Variants in PLD1 observed in about 807,000 individuals in gnomAD.
The protein encoded by PLD1 is choline phosphatase 1.
A neutral mutation model predicts 137.1 loss-of-function variants in PLD1; 112 were observed. The observed-to-expected ratio is 0.82, with a 90% CI of 0.70 to 0.96. The LOEUF (loss-of-function observed/expected upper bound fraction) is 0.96. PLD1 is among the 40% of genes least tolerant of loss of function. PLD1 has a pLI of 0.00. For missense variants in PLD1, 1,321 were observed against 1,342.0 expected (o/e 0.98, Z 0.24); for synonymous variants, 431 against 454.7 (o/e 0.95, Z 0.66).
rs769325260 is a variant in PLD1 at position 171,687,376 on chromosome 3, G to A, written c.1748C>T (p.Thr583Ile). The A allele has an allele frequency of 5.6e-6, 9 of 1,613,506 alleles. No individual in the cohort carries two copies. The Admixed American group carries it at 8.3e-5, about 15-fold the overall frequency. ...DADSISSIDS[T>I]SSYFNHYRSH... ...TAGTCAAGGCCATGACTTACTGGAG[G>A]TGCTGTCAATGCTGCTGATGCTATC... is the stretch of plus-strand genomic sequence containing the variant. The change falls in exon 15 of 27, where the codon ACC becomes ATC. Residue 583 changes from threonine to isoleucine, a missense_variant. Thr to Ile is a moderately conservative substitution (Grantham distance 89, BLOSUM62 -1). Transcript: ENST00000351298.
intron 1 of PLD1, among the ~76,000 whole-genome samples, chr3:171,741,528 T>C (rs1290741384): frequency 1.3e-5 from 2 of 152,256 alleles, no homozygotes; most frequent in African/African-American, 4.8e-5. Context: ...CTTCAGTGTT[T>C]ACACTTGAGA....
chr3:171,632,112 G>A (rs555593676), intron 23 of PLD1, among the ~76,000 whole-genome samples: 58 of 152,184 alleles, frequency 3.8e-4, no homozygotes, highest in African/African-American at 1.1e-3. Context: ...CTATGTTACC[G>A]TAAGAACACA....
rs9827333 is a variant in PLD1 at position 171,603,233 on chromosome 3, C to G, written c.3070G>C (p.Val1024Leu). Residue 1024 changes from valine to leucine, a missense_variant, in exon 27 of 27, where the codon GTA (valine) becomes CTA (leucine). By Grantham distance (32) the Val-to-Leu change is conservative. Transcript: ENST00000351298. ...CGAATGGGATCTTCCTTAGCTAATA[C>G]GGGCTTGTTTATAAAGTCTCTCAGC... ...IQLRDFINKP[V>L]LAKEDPIRAE... is the part of the protein sequence containing the mutation. The G allele has an allele frequency of 6.2e-7, 1 of 1,613,874 alleles. No homozygotes were observed. The highest frequency in any genetic ancestry group is 1.3e-5 in the African/African-American group (1 of 74,926).
At chr3:171,644,186 A>G (rs1476584767) in intron 22 of PLD1, among the ~76,000 whole-genome samples, 1 of 152,154 alleles carries the variant, frequency 6.6e-6, no homozygotes, top group Non-Finnish European at 1.5e-5. Flanking sequence ...TCAGAAAAAT[A>G]AGAGATTTTG....
intron 11 of PLD1, among the ~76,000 whole-genome samples, chr3:171,702,351 G>A (rs932651369): frequency 6.6e-6 from 1 of 151,870 alleles, no homozygotes; most frequent in African/African-American, 2.4e-5. Context: ...AGCCAGACAT[G>A]GTGGCTCATG....
chr3:171,662,788 C>T (rs1182399910), intron 19 of PLD1, among the ~76,000 whole-genome samples: 1 of 152,184 alleles, frequency 6.6e-6, no homozygotes, highest in Non-Finnish European at 1.5e-5. Context: ...TTCCATGGCA[C>T]GCCACTTTAG....
Position 171,734,961 on chromosome 3 carries a change from A to T in PLD1, c.444T>A (p.Phe148Leu). 3 of 1,606,140 alleles carry T rather than the reference A, an allele frequency of 1.9e-6. No homozygotes were observed. Among genetic ancestry groups the T allele is most frequent in the Non-Finnish European group, 2.6e-6 (3 of 1,172,770 alleles). ...GCTCCTCTCTGACGTTTTGCCTCCT[A>T]AACGTGTGTCTAAAACACAAACACA... The part of the protein sequence containing the change: ...RIPIPTRRHT[F>L]RRQNVREEPR... Residue 148 changes from phenylalanine to leucine, a missense_variant, in exon 5 of 27, where the codon TTT (phenylalanine) becomes TTA (leucine). By Grantham distance (22) the Phe-to-Leu change is conservative. Coordinates refer to ENST00000351298, the MANE Select transcript of PLD1 (RefSeq NM_002662.5).
intron 1 of PLD1, among the ~76,000 whole-genome samples, chr3:171,770,546 A>G (rs536851102): frequency 5.9e-5 from 9 of 152,262 alleles, no homozygotes; most frequent in African/African-American, 1.9e-4. Context: ...TCATATTTAT[A>G]CCTAGAAGGT....
At chr3:171,620,689 T>C (rs941268428) in intron 23 of PLD1, among the ~76,000 whole-genome samples, 169 bp from the exon 24 acceptor site, 4 of 148,588 alleles carry the variant, frequency 2.7e-5, no homozygotes. Flanking sequence ...TTTTGATATC[T>C]GAATTTCATA....
rs774453063 is a variant in PLD1, at chr3:171,688,839, T to G, written c.1376A>C (p.Tyr459Ser). 1 of 1,614,010 alleles carries G rather than the reference T, an allele frequency of 6.2e-7. No individual in the cohort carries two copies. Among genetic ancestry groups the G allele is most frequent in the South Asian group, 1.1e-5 (1 of 91,076 alleles). ...AAGCTTCTCATGGTGAGCCCACAAA[T>G]AGACGGTGGATGACACATGATCCGG... ...RHPDHVSSTVYLWAHHEKLVI... is the reference protein window; with the variant it reads ...RHPDHVSSTVSLWAHHEKLVI... The change falls in exon 14 of 27, where the codon TAT (tyrosine) becomes TCT (serine). Residue 459 changes from tyrosine (Y) to serine (S), a missense_variant. Tyr to Ser is a moderately radical substitution (Grantham distance 144). Transcript: ENST00000351298.
At chr3:171,646,993 C>T (rs1302334119) in intron 21 of PLD1, among the ~76,000 whole-genome samples, 1 of 152,234 alleles carries the variant, frequency 6.6e-6, no homozygotes, top group African/African-American at 2.4e-5. Context: ...AGCCACTTGG[C>T]TCTTCCAGTC....
chr3:171,645,241 T>G (rs1248233775), intron 21 of PLD1, among the ~76,000 whole-genome samples: 2 of 152,118 alleles, frequency 1.3e-5, no homozygotes, highest in Non-Finnish European at 2.9e-5. Flanking sequence ...CAAGCTAAAC[T>G]TGGCAGTAAA....
intron 1 of PLD1, among the ~76,000 whole-genome samples, chr3:171,741,750 C>T (rs79599357): frequency 0.034 from 5,116 of 152,192 alleles, 311 homozygotes; most frequent in African/African-American, 0.12. Context: ...TAATGACCTC[C>T]AGTTATTCAG....
intron 17 of PLD1, among the ~76,000 whole-genome samples, chr3:171,677,157 A>T (rs1315514091): frequency 6.6e-6 from 1 of 152,222 alleles, no homozygotes; most frequent in Non-Finnish European, 1.5e-5. Flanking sequence ...TGTTGAAACA[A>T]TGGCAGGCAA....
intron 9 of PLD1, among the ~76,000 whole-genome samples, chr3:171,710,869 G>GTTTTTTTTTTTTTTT (rs1281179100): frequency 4.1e-5 from 4 of 98,652 alleles, no homozygotes; most frequent in African/African-American, 1.1e-4. Flanking sequence ...TAGGAAAACT[G>GTTTTTTTTTTTTTTT]TTCTTTTTTT....
intron 1 of PLD1, among the ~76,000 whole-genome samples, chr3:171,781,532 T>C (rs1042106087): frequency 1.3e-5 from 2 of 152,192 alleles, no homozygotes; most frequent in African/African-American, 2.4e-5. Flanking sequence ...ACTAATATTT[T>C]ATAATACATA....
In PLD1 at chr3:171,622,194, G is replaced by A. The variant is rs536671867; in HGVS notation, c.2594-1674C>T. 4.6e-5 allele frequency among the ~76,000 whole-genome samples: 7 copies of A among 152,284 alleles called. No homozygotes were observed. The East Asian group carries it at 1.3e-3, about 29-fold the overall frequency. On this transcript the variant is annotated intron_variant, in intron 23 of 26. Coordinates refer to ENST00000351298, the MANE Select transcript of PLD1 (RefSeq NM_002662.5). The stretch of plus-strand genomic sequence containing the variant: ...TTGCTAAAGTAAATATTTTTTTACA[G>A]TAATTTCCATTAAAATTCACATTGA...
intron 21 of PLD1, among the ~76,000 whole-genome samples, chr3:171,650,375 G>C (rs948472874): frequency 6.6e-6 from 1 of 152,212 alleles, no homozygotes; most frequent in Non-Finnish European, 1.5e-5. Flanking sequence ...GGCAGGAGCA[G>C]AGGAGAAGTG....
chr3:171,735,463 ACT>A, intron 4 of PLD1, 27 bp downstream of exon 4: 1 of 1,592,866 alleles, frequency 6.3e-7, no homozygotes, highest in Non-Finnish European at 8.6e-7. Flanking sequence ...CAACTTGTAT[ACT>A]GGCATAATTA....
Sources: allele counts gnomAD v4.1 joint callset (sites outside exome capture counted in the v4.1 genomes callset), GRCh38; gene constraint gnomAD v4.1.1; transcripts MANE v1.5; gene names NCBI Gene and HGNC (gene_info 2026-07-23, HGNC 2026-07-21).